The following C19orf67 variants were observed in gnomAD, a reference collection of about 807,000 sequenced individuals.
The protein encoded by C19orf67 is chromosome 19 open reading frame 67.
Under a neutral mutation model 41.4 loss-of-function variants are expected in C19orf67, and 28 were observed. The ratio of observed to expected loss-of-function variants is 0.68; its 90% CI spans 0.50 to 0.93. C19orf67 has a LOEUF of 0.93. Ranked by LOEUF, C19orf67 falls within the 40% of genes least tolerant of loss-of-function variation. C19orf67 has a pLI of 0.00. For missense variants in C19orf67, 421 were observed against 467.0 expected (o/e 0.90, Z 0.91); for synonymous variants, 242 against 203.4 (o/e 1.19, Z -1.62).
Position 14,081,779 on chromosome 19 carries a change from C to T in C19orf67, c.*55G>A. Reference sequence around the variant, plus strand: ...AGAACGAGTGAGCCCCTCCCCTGCCCCCTATTCTGGAGTTTGGAACTGTCA... The same window carrying T: ...AGAACGAGTGAGCCCCTCCCCTGCCTCCTATTCTGGAGTTTGGAACTGTCA... On this transcript the variant is annotated 3_prime_UTR_variant, in exon 6 of 6. Transcript: ENST00000548523. 5 of 1,377,444 alleles carry T rather than the reference C, an allele frequency of 3.6e-6. No individual in the cohort carries two copies. The highest frequency in any genetic ancestry group is 4.8e-6 in the Non-Finnish European group (5 of 1,044,816). The allele number at this position is 1,377,444 out of a possible 1,614,324, so 85.3% of individuals were successfully genotyped here.
chr19:14,082,132 A>C (rs140474187), intron 5 of C19orf67, 124 bp from the exon 6 acceptor site: 77 of 831,924 alleles, frequency 9.3e-5, no homozygotes, highest in East Asian at 4.2e-4. Flanking sequence ...GGTGGGAAAA[A>C]CCCCCGGGGG....
chr19:14,083,789 C>T lies in C19orf67; in HGVS notation c.424G>A (p.Ala142Thr). 3 of 1,423,542 alleles carry T rather than the reference C, an allele frequency of 2.1e-6. No homozygotes were observed. Among genetic ancestry groups the T allele is most frequent in the Non-Finnish European group, 9.2e-7 (1 of 1,090,402 alleles). 88.2% of individuals were successfully genotyped at this position (1,423,542 alleles called of 1,614,324 possible). A position where few individuals can be genotyped will look rare whatever the true frequency, so the allele number is the denominator to read the frequency against. The change falls in exon 2 of 6, where the codon GCC becomes ACC. Residue 142 changes from alanine to threonine, a missense_variant. Physicochemically the swap from Ala to Thr is moderately conservative, Grantham distance 58. Transcript: ENST00000548523. ...TAGATGGGGGGTATGCTTCTCGCGG[C>T]TGCCTCCAGGTACAGGAAGTAGGGC... ...CEPYFLYLEA[A>T]ARSIPPIYGP...
chr19:14,085,214 C>G (rs1976833762), intron 1 of C19orf67, 79 bp downstream of exon 1: 3 of 1,236,984 alleles, frequency 2.4e-6, no homozygotes, highest in Non-Finnish European at 3.4e-6. Context: ...TTTTGCGACC[C>G]TGGTGTGTGT....
Position 14,085,482 on chromosome 19 carries a change from G to A in C19orf67, c.146C>T (p.Pro49Leu), listed in dbSNP as rs1334256877. ...PPGRPGNPSE[P>L]DPEDAEGRLA... ...CCGCCCCTCGGCATCTTCAGGATCCGGCTCAGATGGGTTCCCAGGCCTGCC... is the reference window on the plus strand; with the variant it reads ...CCGCCCCTCGGCATCTTCAGGATCCAGCTCAGATGGGTTCCCAGGCCTGCC... Residue 49 changes from proline to leucine, a missense_variant, in exon 1 of 6, where the codon CCG becomes CTG. Coordinates refer to ENST00000548523, the MANE Select transcript of C19orf67 (RefSeq NM_001277378.2). The A allele has an allele frequency of 3.9e-6, 6 of 1,535,340 alleles. No homozygotes were observed. In the African/African-American group the frequency reaches 4.1e-5, roughly 11 times the overall value.
At chr19:14,083,638 C>T (rs750958949) in intron 2 of C19orf67, 33 bp from the exon 3 acceptor site, 1 of 1,532,722 alleles carries the variant, frequency 6.5e-7, no homozygotes, top group East Asian at 2.4e-5. Context: ...GTGAGATCAG[C>T]TGGCCTGCGA....
At chr19:14,084,927 G>GA (rs1408781253) in intron 1 of C19orf67, among the ~76,000 whole-genome samples, 1 of 152,182 alleles carries the variant, frequency 6.6e-6, no homozygotes, top group Non-Finnish European at 1.5e-5. Context: ...CCTGGTCTGG[G>GA]AATCACATTA....
Position 14,085,738 on chromosome 19 carries a change from C to A in C19orf67, c.-111G>T. On this transcript the variant is annotated 5_prime_UTR_variant, in exon 1 of 6. Transcript: ENST00000548523. The stretch of plus-strand genomic sequence containing the variant: ...CTCCGACTGGCCCCTGCCTTGACCT[C>A]TCCACCGGAGCCGCGCCGCCGCGCC... 1 of 773,580 alleles carries A rather than the reference C, an allele frequency of 1.3e-6. No homozygotes were observed. The highest frequency in any genetic ancestry group is 1.7e-5 in the South Asian group (1 of 58,168). The allele number at this position is 773,580 out of a possible 1,614,324, so 47.9% of individuals were successfully genotyped here.
Position 14,083,536 on chromosome 19 carries a change from A to C in C19orf67, c.550T>G (p.Phe184Val). The C allele has an allele frequency of 1.3e-6, 2 of 1,535,992 alleles. No individual in the cohort carries two copies. The highest frequency in any genetic ancestry group is 1.7e-6 in the Non-Finnish European group (2 of 1,146,884). Residue 184 changes from phenylalanine (F) to valine (V), a missense_variant, in exon 3 of 6, where the codon TTC (phenylalanine) becomes GTC (valine). Coordinates refer to ENST00000548523, the MANE Select transcript of C19orf67 (RefSeq NM_001277378.2). Reference protein sequence around the residue: ...QLVLMYASFGFVDLEEMNPLS... With the variant: ...QLVLMYASFGVVDLEEMNPLS... Reference sequence around the variant, plus strand: ...GGGTTCATCTCCTCCAGGTCCACGAACCCAAAGGAAGCGTACATGAGGACC... The same window carrying C: ...GGGTTCATCTCCTCCAGGTCCACGACCCCAAAGGAAGCGTACATGAGGACC...
intron 1 of C19orf67, 70 bp downstream of exon 1, chr19:14,085,223 G>C: frequency 7.6e-7 from 1 of 1,324,278 alleles, no homozygotes. Flanking sequence ...CCTGGTGTGT[G>C]TCACCCATCC....
chr19:14,083,114 T>A (rs1363208728), intron 4 of C19orf67, 123 bp downstream of exon 4: 36 of 811,804 alleles, frequency 4.4e-5, no homozygotes, highest in Non-Finnish European at 6.4e-5. Context: ...GTGTTGGGAT[T>A]ACAGGCGTGA....
In C19orf67 at chr19:14,081,986, C is replaced by T. The variant is rs888083380; in HGVS notation, c.925G>A (p.Gly309Arg). The part of the protein sequence containing the change: ...YSWILCPQPL[G>R]DYQQLLTIGF... The stretch of plus-strand genomic sequence containing the variant: ...ATGGTCAGCAGCTGCTGGTAGTCCC[C>T]AAGCGGCTGCGGGCACAAAATCCTG... The change falls in exon 6 of 6, where the codon GGG becomes AGG. Residue 309 changes from glycine to arginine, a missense_variant. Coordinates refer to ENST00000548523, the MANE Select transcript of C19orf67 (RefSeq NM_001277378.2). The T allele has an allele frequency of 2.0e-6, 3 of 1,517,214 alleles. No homozygotes were observed. The Admixed American group carries it at 6.2e-5, about 31-fold the overall frequency. The allele number at this position is 1,517,214 out of a possible 1,614,324, so 94.0% of individuals were successfully genotyped here. A position where few individuals can be genotyped will look rare whatever the true frequency, so the allele number is the denominator to read the frequency against.
At chr19:14,085,264 T>C (rs1450934074) in intron 1 of C19orf67, 29 bp downstream of exon 1, 4 of 1,523,912 alleles carry the variant, frequency 2.6e-6, no homozygotes, top group Non-Finnish European at 3.5e-6. Flanking sequence ...TCCTTACCCA[T>C]GGGGACCTGG....
At chr19:14,082,392 A>G in intron 5 of C19orf67, 77 bp downstream of exon 5, 1 of 1,430,620 alleles carries the variant, frequency 7.0e-7, no homozygotes, top group Non-Finnish European at 9.2e-7. Flanking sequence ...AGTGTTTGGG[A>G]AGGTGGATTG....
chr19:14,084,512 AAC>A (rs1385610437), intron 1 of C19orf67, among the ~76,000 whole-genome samples: 13 of 144,728 alleles, frequency 9.0e-5, no homozygotes, highest in Admixed American at 6.9e-5. Context: ...ATTTCAAAAA[AAC>A]ACATAACAAC....
Position 14,081,825 on chromosome 19 carries a change from T to TC in C19orf67, c.*8dup. ...TGTCAAGTTCCAGCTCCTACCCTCT[T>TC]CCCCAGGTTCAAGACCCCTGCGCTG... On this transcript the variant is annotated 3_prime_UTR_variant, in exon 6 of 6. Transcript: ENST00000548523. The TC allele has an allele frequency of 6.6e-7, 1 of 1,511,018 alleles. No individual in the cohort carries two copies. The highest frequency in any genetic ancestry group is 8.8e-7 in the Non-Finnish European group (1 of 1,134,538). 93.6% of individuals were successfully genotyped at this position (1,511,018 alleles called of 1,614,324 possible). A position where few individuals can be genotyped will look rare whatever the true frequency, so the allele number is the denominator to read the frequency against.
rs746921671 is a variant in C19orf67, at chr19:14,085,571, C to T, written c.57G>A (p.Pro19=). 1.3e-6 allele frequency: 2 copies of T among 1,535,174 alleles called. No homozygotes were observed. The highest frequency in any genetic ancestry group is 2.4e-5 in the East Asian group (1 of 40,886). Residue 19 remains proline (P), a synonymous_variant, in exon 1 of 6, where the codon CCG becomes CCA. Transcript: ENST00000548523. Reference sequence around the variant, plus strand: ...TCCCAGGTTCCAAGGCGTCTGGAGGCGGTGTTTCTCCAGGGTCCAGGGGGA... The same window carrying T: ...TCCCAGGTTCCAAGGCGTCTGGAGGTGGTGTTTCTCCAGGGTCCAGGGGGA... The part of the protein sequence containing the change: ...GSLPLDPGET[P]PPDALEPGTP...
In C19orf67 at chr19:14,085,778, T is replaced by G; in HGVS notation, c.-151A>C. 1.6e-6 allele frequency: 1 copy of G among 624,504 alleles called. No homozygotes were observed. The highest frequency in any genetic ancestry group is 2.8e-5 in the East Asian group (1 of 36,032). The allele number at this position is 624,504 out of a possible 1,614,324, so 38.7% of individuals were successfully genotyped here. ...GCCGCCGCGCCGGGGGCCGTTCGCC[T>G]CTTTTGAATTTCAACACGCGGGAGG... On this transcript the variant is annotated 5_prime_UTR_variant, in exon 1 of 6. Transcript: ENST00000548523.
rs1403409560 is a variant in C19orf67, at chr19:14,082,578, A to C, written c.793T>G (p.Trp265Gly). ...DYYFLCYRDT[W>G]EDTGQSPANS... ...GCTGGACTCTGGCCTGTGTCTTCCC[A>C]AGTATCTCGATAGCACAGAAAGTAG... The change falls in exon 5 of 6, where the codon TGG (tryptophan) becomes GGG (glycine). Residue 265 changes from tryptophan (W) to glycine (G), a missense_variant. Transcript: ENST00000548523. The C allele has an allele frequency of 6.5e-7, 1 of 1,536,140 alleles. No homozygotes were observed. The highest frequency in any genetic ancestry group is 1.4e-5 in the African/African-American group (1 of 72,998).
chr19:14,085,523 G>C lies in C19orf67; in HGVS notation c.105C>G (p.Ser35=). The change falls in exon 1 of 6, where the codon TCC becomes TCG. Residue 35 remains serine (S), a synonymous_variant. Transcript: ENST00000548523. ...EPGTPPCGDP[S]RSTPPGRPGN... is the part of the protein sequence containing the mutation. Reference sequence around the variant, plus strand: ...CAGGCCTGCCAGGGGGCGTCGACCTGGAGGGGTCTCCGCAGGGCGGCGTCC... The same window carrying C: ...CAGGCCTGCCAGGGGGCGTCGACCTCGAGGGGTCTCCGCAGGGCGGCGTCC... The C allele has an allele frequency of 6.5e-7, 1 of 1,535,480 alleles. No individual in the cohort carries two copies. Among genetic ancestry groups the C allele is most frequent in the South Asian group, 1.2e-5 (1 of 84,058 alleles).
Sources: gnomAD v4.1 joint callset for allele counts (sites outside exome capture counted in the v4.1 genomes callset) on GRCh38, gnomAD v4.1.1 for gene constraint, MANE v1.5 for transcripts, NCBI Gene and HGNC (gene_info 2026-07-23, HGNC 2026-07-21) for gene names.